Variants in MPP7 observed in about 807,000 individuals in gnomAD.
MPP7 encodes the protein MAGUK p55 scaffold protein 7.
A neutral mutation model predicts 76.5 loss-of-function variants in MPP7; 60 were observed. That is an observed-to-expected ratio of 0.78 (90% CI 0.64 to 0.97). The LOEUF (loss-of-function observed/expected upper bound fraction) is 0.97, where lower values mean the gene tolerates loss of function less well. Among genes scored for constraint, MPP7 ranks in the 50% least tolerant of loss-of-function variants. MPP7 has a pLI of 0.00. For missense variants in MPP7, 641 were observed against 694.0 expected, an observed-to-expected ratio of 0.92 and a Z score of 0.86; for synonymous variants, 237 against 244.5, an observed-to-expected ratio of 0.97 and a Z score of 0.29.
intron 1 of MPP7, among the ~76,000 whole-genome samples, chr10:28,271,827 T>A (rs1364274634): frequency 6.6e-6 from 1 of 151,854 alleles, no homozygotes; most frequent in Non-Finnish European, 1.5e-5. Flanking sequence ...TACAAAAAAT[T>A]AACCAAGCGT....
rs2997211 is a variant in MPP7, at chr10:28,089,829, T to C, written c.965A>G (p.Lys322Arg). 0.89 allele frequency: 1,342,780 copies of C among 1,509,800 alleles called. 598,035 individuals carry two copies. Among genetic ancestry groups the C allele is most frequent in the African/African-American group, 0.95 (69,014 of 72,454 alleles). 93.5% of individuals were successfully genotyped at this position (1,509,800 alleles called of 1,614,324 possible). A position where few individuals can be genotyped will look rare whatever the true frequency, so the allele number is the denominator to read the frequency against. ...VSNRKSSGFR[K>R]SFRLSRKDKK... Reference sequence around the variant, plus strand: ...ATCTTTTCTACTAAGACGAAAACTTTTTCTAAAACCAGCTGCAAATATTAA... The same window carrying C: ...ATCTTTTCTACTAAGACGAAAACTTCTTCTAAAACCAGCTGCAAATATTAA... Residue 322 changes from lysine to arginine, a missense_variant, in exon 12 of 17, where the codon AAA (lysine) becomes AGA (arginine). Transcript: ENST00000683449.
intron 1 of MPP7, among the ~76,000 whole-genome samples, chr10:28,282,615 A>G (rs1299130237): frequency 6.6e-6 from 1 of 152,008 alleles, no homozygotes; most frequent in East Asian, 1.9e-4. Context: ...GTAAGTGGGA[A>G]AAGGACTGAA....
intron 11 of MPP7, among the ~76,000 whole-genome samples, chr10:28,102,885 G>T (rs1394783430): frequency 6.6e-6 from 1 of 152,154 alleles, no homozygotes; most frequent in African/African-American, 2.4e-5. Context: ...CAACAGATCA[G>T]CCAGCGTGAC....
At chr10:28,260,725 T>C (rs1839920503) in intron 1 of MPP7, among the ~76,000 whole-genome samples, 1 of 147,934 alleles carries the variant, frequency 6.8e-6, no homozygotes, top group African/African-American at 2.5e-5. Context: ...TGAGCCAAGA[T>C]TGTGCTGCTG....
intron 5 of MPP7, among the ~76,000 whole-genome samples, chr10:28,141,177 C>G (rs1303567196): frequency 6.6e-6 from 1 of 151,756 alleles, no homozygotes; most frequent in Non-Finnish European, 1.5e-5. Flanking sequence ...AGTCACTTGA[C>G]AAAATTTAAC....
rs11006832 is a variant in MPP7, at chr10:28,067,868, C to A, written c.1204+1904G>T. The stretch of plus-strand genomic sequence containing the variant: ...GGAGGAAGAACATGAGAACTGGTAT[C>A]AAAAAAAACTTGGTTTCGAATCCAA... On this transcript the variant is annotated intron_variant, in intron 13 of 16. Transcript: ENST00000683449. Among the ~76,000 whole-genome samples the A allele has an allele frequency of 3.4e-3, 512 of 151,820 alleles. 3 individuals carry two copies. Among genetic ancestry groups the A allele is most frequent in the Admixed American group, 0.014 (217 of 15,238 alleles).
intron 3 of MPP7, among the ~76,000 whole-genome samples, chr10:28,199,373 T>C (rs1837695706): frequency 6.6e-6 from 1 of 152,192 alleles, no homozygotes; most frequent in Non-Finnish European, 1.5e-5. Flanking sequence ...ATTCTTCGTT[T>C]CTATTTAGGC....
intron 12 of MPP7, among the ~76,000 whole-genome samples, chr10:28,084,470 G>A (rs1316178549): frequency 6.6e-6 from 1 of 152,156 alleles, no homozygotes; most frequent in Non-Finnish European, 1.5e-5. Context: ...TGTTAGAAAT[G>A]CAGGCTCTCT....
At chr10:28,249,578 T>C (rs1839546243) in intron 1 of MPP7, among the ~76,000 whole-genome samples, 1 of 152,066 alleles carries the variant, frequency 6.6e-6, no homozygotes, top group Non-Finnish European at 1.5e-5. Context: ...GAGAGAGACT[T>C]TGTACACCGC....
chr10:28,273,947 C>T (rs11006975), intron 1 of MPP7, among the ~76,000 whole-genome samples: 29,846 of 151,806 alleles, frequency 0.2, 3,487 homozygotes, highest in African/African-American at 0.33. Context: ...CTGGGTAACA[C>T]AGATACCATC....
At chr10:28,112,045 TG>T (rs1257039789) in intron 11 of MPP7, among the ~76,000 whole-genome samples, 11 of 152,312 alleles carry the variant, frequency 7.2e-5, no homozygotes, top group African/African-American at 2.6e-4. Flanking sequence ...TATGTTGGCT[TG>T]GTTTGACCAG....
intron 5 of MPP7, among the ~76,000 whole-genome samples, chr10:28,140,444 G>C (rs1000459921): frequency 5.9e-5 from 9 of 152,130 alleles, no homozygotes; most frequent in African/African-American, 1.7e-4. Context: ...CCGAGAGGCT[G>C]AGGTTGCAGG....
chr10:28,270,209 C>T (rs1840277152), intron 1 of MPP7, among the ~76,000 whole-genome samples: 1 of 152,160 alleles, frequency 6.6e-6, no homozygotes, highest in South Asian at 2.1e-4. Flanking sequence ...TTTTCACAGG[C>T]ATAAAGCTAA....
intron 7 of MPP7, 148 bp downstream of exon 7, chr10:28,124,862 G>A: frequency 3.1e-6 from 2 of 647,518 alleles, no homozygotes; most frequent in South Asian, 1.9e-5. Flanking sequence ...ATTTAAATAG[G>A]CTCTCACATT....
At chr10:28,265,329 C>CG (rs1564743868) in intron 1 of MPP7, among the ~76,000 whole-genome samples, 1 of 152,196 alleles carries the variant, frequency 6.6e-6, no homozygotes, top group South Asian at 2.1e-4. Flanking sequence ...GAGGCCAAGG[C>CG]GGGGGGACTG....
intron 1 of MPP7, among the ~76,000 whole-genome samples, chr10:28,263,305 T>C (rs201887759): frequency 6.6e-6 from 1 of 152,226 alleles, no homozygotes; most frequent in East Asian, 1.9e-4. Flanking sequence ...TGTGACCTGA[T>C]GGGCCTGGGG....
At chr10:28,326,838 C>T (rs2133189227) in intron 2 of MPP7, among the ~76,000 whole-genome samples, 1 of 152,254 alleles carries the variant, frequency 6.6e-6, no homozygotes, top group Admixed American at 6.5e-5. Flanking sequence ...AACCCCAGCT[C>T]CCGGGCTCTG....
chr10:28,306,668 T>TAGAGAGAG (rs55731439), upstream of MPP7, among the ~76,000 whole-genome samples: 8,982 of 148,458 alleles, frequency 0.061, 323 homozygotes, highest in Non-Finnish European at 0.079. Flanking sequence ...GATAGATAGA[T>TAGAGAGAG]AGAGAGAGAG....
At chr10:28,323,115 T>TGTTA (rs1564772604) in intron 2 of MPP7, among the ~76,000 whole-genome samples, 33 of 152,088 alleles carry the variant, frequency 2.2e-4, no homozygotes, top group African/African-American at 7.7e-4. Context: ...TGAAACCCCG[T>TGTTA]CTCTACTAAA....
Sources: allele counts gnomAD v4.1 joint callset (sites outside exome capture counted in the v4.1 genomes callset), GRCh38; gene constraint gnomAD v4.1.1; transcripts MANE v1.5; gene names NCBI Gene and HGNC (gene_info 2026-07-23, HGNC 2026-07-21).